PCDHGA4: variants seen among roughly 807,000 people sequenced by gnomAD.
PCDHGA4 encodes the protein protocadherin gamma subfamily A, 4.
A neutral mutation model predicts 54.6 loss-of-function variants in PCDHGA4; 38 were observed. The ratio of observed to expected loss-of-function variants is 0.70; its 90% CI spans 0.54 to 0.91. PCDHGA4 has a LOEUF of 0.91. Ranked by LOEUF, PCDHGA4 falls within the 40% of genes least tolerant of loss-of-function variation. The pLI, the probability that PCDHGA4 is intolerant of heterozygous loss-of-function variation, is 0.00. For missense variants in PCDHGA4, 1,298 were observed against 1,220.9 expected, an observed-to-expected ratio of 1.06 and a Z score of -0.94; for synonymous variants, 511 against 512.9, an observed-to-expected ratio of 1.00 and a Z score of 0.05.
intron 1 of PCDHGA4, chr5:141,471,227 T>C (rs2099253010): frequency 6.6e-6 from 1 of 151,604 alleles, no homozygotes; most frequent in Admixed American, 6.6e-5. Flanking sequence ...TTTTTTGTAT[T>C]TTTAGTAGAG....
intron 1 of PCDHGA4, chr5:141,414,617 T>C: frequency 6.2e-7 from 1 of 1,614,002 alleles, no homozygotes; most frequent in Non-Finnish European, 8.5e-7. Flanking sequence ...GTGACAGCGC[T>C]GGACCCGGAC....
chr5:141,405,326 T>C (rs764056952), intron 1 of PCDHGA4: 2 of 1,614,220 alleles, frequency 1.2e-6, no homozygotes, highest in South Asian at 2.2e-5. Context: ...TGAGCCTTTG[T>C]GCGTCTCTGT....
At chr5:141,506,164 G>A (rs959032250) in intron 3 of PCDHGA4, among the ~76,000 whole-genome samples, 17 of 152,140 alleles carry the variant, frequency 1.1e-4, no homozygotes, top group Non-Finnish European at 2.4e-4. Context: ...TAAGAGCACA[G>A]CCTAAGCTGG....
rs1199756501 is a variant in PCDHGA4 at position 141,493,222 on chromosome 5, C to A, written c.2515-1585C>A. Among the ~76,000 whole-genome samples the A allele has an allele frequency of 6.6e-6, 1 of 152,194 alleles. No individual in the cohort carries two copies. Among genetic ancestry groups the A allele is most frequent in the East Asian group, 1.9e-4 (1 of 5,196 alleles). ...ACCTCATCTCATTTGCTCTTCCCAC[C>A]ATTGCTGTTGGCTAGGTACTAACAT... On this transcript the variant is annotated intron_variant, in intron 1 of 3. Coordinates refer to ENST00000571252, the MANE Select transcript of PCDHGA4 (RefSeq NM_018917.4). This position sits in a 1 kb window ranked among gnomAD's most constrained non-coding sequence, Gnocchi z 4.3.
intron 1 of PCDHGA4, chr5:141,389,275 C>T (rs976237601): frequency 7.4e-6 from 12 of 1,614,004 alleles, no homozygotes; most frequent in Admixed American, 1.7e-5. Context: ...GAGAACAACC[C>T]GCCTGGAGCC....
At chr5:141,465,657 G>T (rs904553709) in intron 1 of PCDHGA4, among the ~76,000 whole-genome samples, 2 of 152,130 alleles carry the variant, frequency 1.3e-5, no homozygotes, top group Non-Finnish European at 2.9e-5. Context: ...CCAAAAAAGC[G>T]CTTGCCATGA....
At chr5:141,378,264 C>T (rs1167989776) in intron 1 of PCDHGA4, 2 of 152,212 alleles carry the variant, frequency 1.3e-5, no homozygotes, top group Non-Finnish European at 1.5e-5. Flanking sequence ...GTGGCTCATG[C>T]CTGTAATCCC....
chr5:141,377,563 C>G (rs987370681), intron 1 of PCDHGA4: 4 of 151,534 alleles, frequency 2.6e-5, no homozygotes, highest in African/African-American at 9.7e-5. Context: ...GTCACTGCAC[C>G]CTAGCCTGGG....
chr5:141,380,502 T>C (rs932449846), intron 1 of PCDHGA4, among the ~76,000 whole-genome samples: 2 of 152,190 alleles, frequency 1.3e-5, no homozygotes, highest in Admixed American at 1.3e-4. Flanking sequence ...AACAATAATA[T>C]ACACTCTTTA....
chr5:141,426,998 A>C (rs981827933), intron 1 of PCDHGA4: 8 of 456,664 alleles, frequency 1.8e-5, no homozygotes, highest in African/African-American at 1.6e-4. Flanking sequence ...ATAATGCCCC[A>C]GTTTTTAGCC....
chr5:141,420,238 T>C, intron 1 of PCDHGA4: 2 of 1,594,838 alleles, frequency 1.3e-6, no homozygotes, highest in South Asian at 1.1e-5. Context: ...GCATTTTAAC[T>C]CCCAGCGTTG....
intron 1 of PCDHGA4, chr5:141,404,669 A>G: frequency 1.9e-6 from 3 of 1,614,100 alleles, no homozygotes; most frequent in Non-Finnish European, 2.5e-6. Context: ...TGATGGTTCT[A>G]CTGGTGTGGA....
chr5:141,433,843 A>C (rs2097657951), intron 1 of PCDHGA4, among the ~76,000 whole-genome samples: 1 of 151,956 alleles, frequency 6.6e-6, no homozygotes, highest in African/African-American at 2.4e-5. Context: ...ATCTCAAAAA[A>C]AAAAAAAAAA....
intron 1 of PCDHGA4, chr5:141,375,182 G>C: frequency 6.2e-7 from 1 of 1,613,936 alleles, no homozygotes; most frequent in Non-Finnish European, 8.5e-7. Context: ...AACAGTAATC[G>C]CCCTTTTTCA....
At chr5:141,404,524 G>A (rs368795324) in intron 1 of PCDHGA4, 2 of 1,613,820 alleles carry the variant, frequency 1.2e-6, no homozygotes, top group African/African-American at 1.3e-5. Context: ...ACTATGAGCA[G>A]TTTAGAGATT....
chr5:141,419,481 C>T (rs2096389716), intron 1 of PCDHGA4: 1 of 1,612,422 alleles, frequency 6.2e-7, no homozygotes, highest in East Asian at 2.2e-5. Flanking sequence ...GGCTCGCCCG[C>T]GCTCAGCGCC....
chr5:141,387,938 T>G (rs1461367286), intron 1 of PCDHGA4: 1 of 1,476,714 alleles, frequency 6.8e-7, no homozygotes, highest in South Asian at 1.4e-5. Context: ...CAGTGCTCTT[T>G]CTCTTCCTGC....
chr5:141,382,777 C>G, intron 1 of PCDHGA4: 1 of 822,390 alleles, frequency 1.2e-6, no homozygotes. Flanking sequence ...CTGCACTAAA[C>G]TCAAGCCTCT....
At chr5:141,422,907 G>A in intron 1 of PCDHGA4, 1 of 1,614,196 alleles carries the variant, frequency 6.2e-7, no homozygotes, top group Non-Finnish European at 8.5e-7. Context: ...ACGACAATGC[G>A]CCCGAGATCC....
Sources: gnomAD v4.1 joint callset for allele counts (sites outside exome capture counted in the v4.1 genomes callset) on GRCh38, gnomAD v4.1.1 for gene constraint, Gnocchi (gnomAD v3.1) non-coding constraint, MANE v1.5 for transcripts, NCBI Gene and HGNC (gene_info 2026-07-23, HGNC 2026-07-21) for gene names.